Variants in DKK2 observed in about 807,000 individuals in gnomAD.
The protein encoded by DKK2 is dickkopf Wnt signaling pathway inhibitor 2, also known as dickkopf-related protein 2.
A neutral mutation model predicts 28.1 loss-of-function variants in DKK2; 11 were observed. That is an observed-to-expected ratio of 0.39 (90% confidence interval 0.25 to 0.65). DKK2 has a LOEUF of 0.65. Ranked by LOEUF, DKK2 falls within the 30% of genes least tolerant of loss-of-function variation. The pLI, the probability that DKK2 is intolerant of heterozygous loss-of-function variation, is 0.47. For synonymous variants in DKK2, 135 were observed against 126.5 expected (o/e 1.07, Z -0.45); for missense variants, 326 against 335.5 (o/e 0.97, Z 0.22).
chr4:106,931,825 A>G (rs1724508741), intron 1 of DKK2, among the ~76,000 whole-genome samples: 1 of 152,192 alleles, frequency 6.6e-6, no homozygotes, highest in African/African-American at 2.4e-5. Flanking sequence ...CTTTTAAAAA[A>G]TTAAGTATAA....
chr4:106,932,569 T>G (rs761921013), intron 1 of DKK2, among the ~76,000 whole-genome samples: 5 of 152,208 alleles, frequency 3.3e-5, no homozygotes, highest in Non-Finnish European at 5.9e-5. Flanking sequence ...ACCTGGCTCT[T>G]GATTGTTTTT....
At chr4:106,924,781 A>C in intron 2 of DKK2, 81 bp from the exon 3 acceptor site, 1 of 1,343,786 alleles carries the variant, frequency 7.4e-7, no homozygotes, top group East Asian at 2.4e-5. Context: ...TTGATGTGAA[A>C]TATGAAGCCA....
intron 1 of DKK2, among the ~76,000 whole-genome samples, chr4:106,992,387 T>C (rs918036808): frequency 1.3e-5 from 2 of 152,218 alleles, no homozygotes; most frequent in African/African-American, 4.8e-5. Context: ...GTCTCTGGAA[T>C]AGGAACACTT....
chr4:106,944,154 T>C (rs143862468), intron 1 of DKK2, among the ~76,000 whole-genome samples: 1 of 152,108 alleles, frequency 6.6e-6, no homozygotes, highest in African/African-American at 2.4e-5. Flanking sequence ...AGTTTCTTGA[T>C]ACACTTTAGT....
chr4:107,029,409 T>C (rs913125258), intron 1 of DKK2, among the ~76,000 whole-genome samples: 2 of 152,220 alleles, frequency 1.3e-5, no homozygotes, highest in African/African-American at 4.8e-5. Flanking sequence ...TGTTTCATCA[T>C]TTATAAAAAT....
intron 1 of DKK2, among the ~76,000 whole-genome samples, chr4:106,977,908 C>G (rs1722969381): frequency 6.6e-6 from 1 of 152,188 alleles, no homozygotes; most frequent in Non-Finnish European, 1.5e-5. Context: ...TGGTGACCTT[C>G]AGATGGGGTT....
chr4:107,029,120 G>C (rs1287733956), intron 1 of DKK2, among the ~76,000 whole-genome samples: 1 of 152,124 alleles, frequency 6.6e-6, no homozygotes, highest in African/African-American at 2.4e-5. Context: ...TCTCAGAATA[G>C]CAGCTGGGAG....
chr4:107,005,869 C>T (rs1163281615), intron 1 of DKK2, among the ~76,000 whole-genome samples: 1 of 152,204 alleles, frequency 6.6e-6, no homozygotes. Flanking sequence ...TGTTCAGCCT[C>T]ATCTAATAAA....
At chr4:106,993,032 T>G (rs1374721611) in intron 1 of DKK2, among the ~76,000 whole-genome samples, 5 of 152,246 alleles carry the variant, frequency 3.3e-5, no homozygotes, top group Non-Finnish European at 5.9e-5. Flanking sequence ...TCTCTATGAG[T>G]TCATTTGAAT....
intron 1 of DKK2, among the ~76,000 whole-genome samples, chr4:106,993,076 A>T (rs372690347): frequency 1.6e-4 from 24 of 152,340 alleles, no homozygotes; most frequent in African/African-American, 5.0e-4. Context: ...AAGTTTATTC[A>T]TTTCTACTCT....
rs1192217871 is a variant in DKK2 at position 107,035,939 on chromosome 4, A to T, written c.-348T>A. ...CCGCTTCCGTTCCTTCTTGCCCCGC[A>T]CCTCCTTGGTCCCGCCGGGATCTCG... On this transcript the variant is annotated 5_prime_UTR_variant, in exon 1 of 4. Transcript: ENST00000285311. The T allele has an allele frequency of 9.7e-6, 3 of 307,854 alleles. No individual in the cohort carries two copies. The highest frequency in any genetic ancestry group is 1.2e-5 in the Non-Finnish European group (2 of 162,614). 19.1% of individuals were successfully genotyped at this position (307,854 alleles called of 1,614,324 possible). A position where few individuals can be genotyped will look rare whatever the true frequency, so the allele number is the denominator to read the frequency against.
At chr4:106,924,850 G>A (rs926698067) in intron 2 of DKK2, 150 bp from the exon 3 acceptor site, 20 of 803,758 alleles carry the variant, frequency 2.5e-5, no homozygotes, top group Non-Finnish European at 3.1e-5. Context: ...CTTATTTATT[G>A]AGACTGAGCA....
rs1317219857 is a variant in DKK2 at position 106,956,991 on chromosome 4, C to A, written c.223-31042G>T. On this transcript the variant is annotated intron_variant, in intron 1 of 3. Coordinates refer to ENST00000285311, the MANE Select transcript of DKK2 (RefSeq NM_014421.3). Reference sequence around the variant, plus strand: ...ACCTACAAAATGGGAGAAAATTTTCCCAACCTACTCACCTGACAAAGGGCT... The same window carrying A: ...ACCTACAAAATGGGAGAAAATTTTCACAACCTACTCACCTGACAAAGGGCT... Among the ~76,000 whole-genome samples the A allele has an allele frequency of 7.2e-3, 1,090 of 150,528 alleles. 19 individuals are homozygous for A. The highest frequency in any genetic ancestry group is 0.025 in the African/African-American group (1,019 of 40,450).
chr4:107,027,429 A>G (rs561778917), intron 1 of DKK2, among the ~76,000 whole-genome samples: 3 of 151,418 alleles, frequency 2.0e-5, no homozygotes, highest in Admixed American at 6.6e-5. Flanking sequence ...AAATATTTCA[A>G]TTTACCTAAA....
chr4:106,956,559 G>A (rs545052678), intron 1 of DKK2, among the ~76,000 whole-genome samples: 1 of 152,254 alleles, frequency 6.6e-6, no homozygotes, highest in East Asian at 1.9e-4. Flanking sequence ...CGGAGATATA[G>A]ATCAATGGAA....
chr4:106,979,962 T>C (rs1723001587), intron 1 of DKK2, among the ~76,000 whole-genome samples: 1 of 152,250 alleles, frequency 6.6e-6, no homozygotes, highest in South Asian at 2.1e-4. Context: ...ACAATAAGTC[T>C]AAATTACTCA....
Position 106,974,394 on chromosome 4 carries a change from G to T in DKK2, c.223-48445C>A, listed in dbSNP as rs1180894204. 2.0e-5 allele frequency among the ~76,000 whole-genome samples: 3 copies of T among 152,092 alleles called. No individual in the cohort carries two copies. The East Asian group carries it at 5.8e-4, about 29-fold the overall frequency. ...ATGAGCATGGAATGTTTTTCCATTT[G>T]TTTATGTCCTCTCTTATTTCCTTCA... On this transcript the variant is annotated intron_variant, in intron 1 of 3. Transcript: ENST00000285311.
chr4:106,984,275 C>T (rs193070989), intron 1 of DKK2, among the ~76,000 whole-genome samples: 4 of 152,234 alleles, frequency 2.6e-5, no homozygotes, highest in Admixed American at 2.6e-4. Flanking sequence ...GTTGTGCAAC[C>T]ATCACCACTC....
chr4:106,977,024 G>C (rs796975425), intron 1 of DKK2, among the ~76,000 whole-genome samples: 2 of 152,102 alleles, frequency 1.3e-5, no homozygotes, highest in South Asian at 2.1e-4. Flanking sequence ...ATATGAAATT[G>C]TGGGTTAAAA....
Sources: allele counts gnomAD v4.1 joint callset (sites outside exome capture counted in the v4.1 genomes callset), GRCh38; gene constraint gnomAD v4.1.1; transcripts MANE v1.5; gene names NCBI Gene and HGNC (gene_info 2026-07-23, HGNC 2026-07-21).